The following EXOC4 variants were observed in gnomAD, a reference collection of about 807,000 sequenced individuals.
EXOC4 encodes the protein exocyst complex component 4.
A neutral mutation model predicts 107.2 loss-of-function variants in EXOC4; 71 were observed. That is an observed-to-expected ratio of 0.66 (90% CI 0.55 to 0.81). The LOEUF (loss-of-function observed/expected upper bound fraction) is 0.81, where lower values mean the gene tolerates loss of function less well. EXOC4 is among the 30% of genes least tolerant of loss of function. The pLI is 0.00. For synonymous variants in EXOC4, 456 were observed against 441.2 expected, an observed-to-expected ratio of 1.03 and a Z score of -0.42; for missense variants, 1,108 against 1,189.6, an observed-to-expected ratio of 0.93 and a Z score of 1.01.
In EXOC4 at chr7:133,813,883, G is replaced by A. The variant is rs533519237; in HGVS notation, c.1515-3442G>A. ...CATACACCCCAGGGGTTAATAGAGC[G>A]TTTAACTGGTAATATGTAAGGTTAA... On this transcript the variant is annotated intron_variant, in intron 10 of 17. Coordinates refer to ENST00000253861, the MANE Select transcript of EXOC4 (RefSeq NM_021807.4). Among the ~76,000 whole-genome samples the A allele has an allele frequency of 9.2e-5, 14 of 152,096 alleles. 1 individual carries two copies. The South Asian group carries it at 2.1e-3, about 23-fold the overall frequency.
chr7:133,300,855 A>G (rs1794625510), intron 3 of EXOC4, among the ~76,000 whole-genome samples: 1 of 151,662 alleles, frequency 6.6e-6, no homozygotes. Flanking sequence ...GTATTTTCTT[A>G]TGGTTCAAGT....
intron 9 of EXOC4, among the ~76,000 whole-genome samples, chr7:133,517,556 G>A (rs576781257): frequency 4.6e-5 from 7 of 152,204 alleles, no homozygotes; most frequent in Admixed American, 4.6e-4. Flanking sequence ...CATGGCTGAA[G>A]GTGAAAGGCA....
intron 7 of EXOC4, among the ~76,000 whole-genome samples, chr7:133,431,309 T>C (rs1797852033): frequency 6.6e-6 from 1 of 152,360 alleles, no homozygotes; most frequent in East Asian, 1.9e-4. Flanking sequence ...ACATGTTTAC[T>C]GCTGAGGCTA....
chr7:133,311,088 A>G (rs866497368), intron 4 of EXOC4, among the ~76,000 whole-genome samples: 44 of 152,344 alleles, frequency 2.9e-4, no homozygotes, highest in African/African-American at 9.9e-4. Context: ...CTTGGAGGAA[A>G]TGAAACAAAT....
chr7:133,356,187 C>G, intron 5 of EXOC4, 143 bp from the exon 6 acceptor site: 2 of 796,494 alleles, frequency 2.5e-6, no homozygotes, highest in Non-Finnish European at 3.9e-6. Flanking sequence ...TGGATGGTTA[C>G]TGTGCAAATA....
At chr7:134,079,560 A>T in the EXOC4 span, among the ~76,000 whole-genome samples, 1 of 152,120 alleles carries the variant, frequency 6.6e-6, no homozygotes, top group Non-Finnish European at 1.5e-5. Flanking sequence ...AGCCCTTGAA[A>T]GGTTTGCCAC....
chr7:133,525,899 GC>G (rs1800070161), intron 9 of EXOC4, among the ~76,000 whole-genome samples: 1 of 152,128 alleles, frequency 6.6e-6, no homozygotes. Flanking sequence ...CTAAGGTCAT[GC>G]CCTTTTTGAA....
chr7:133,259,902 A>G (rs1331348211), intron 1 of EXOC4, among the ~76,000 whole-genome samples: 1 of 152,162 alleles, frequency 6.6e-6, no homozygotes, highest in African/African-American at 2.4e-5. Context: ...AATCTTAAGT[A>G]TATGGCTTGA....
intron 3 of EXOC4, among the ~76,000 whole-genome samples, chr7:133,290,607 GGTT>G (rs1342605056): frequency 6.6e-6 from 1 of 152,148 alleles, no homozygotes; most frequent in Non-Finnish European, 1.5e-5. Context: ...GATTAAAATA[GGTT>G]GTTAGAATTT....
At chr7:133,551,134 T>TC (rs1404020292) in intron 9 of EXOC4, among the ~76,000 whole-genome samples, 1 of 152,150 alleles carries the variant, frequency 6.6e-6, no homozygotes, top group Non-Finnish European at 1.5e-5. Flanking sequence ...TTGGTTCTCC[T>TC]CCTCTAGTTG....
At chr7:133,273,945 C>T (rs78054158) in intron 1 of EXOC4, among the ~76,000 whole-genome samples, 2,013 of 152,086 alleles carry the variant, frequency 0.013, 50 homozygotes, top group African/African-American at 0.047. Flanking sequence ...TAATGAAACT[C>T]TAAATTACCA....
At chr7:133,896,380 G>A (rs1563047912) in intron 12 of EXOC4, among the ~76,000 whole-genome samples, 1 of 152,066 alleles carries the variant, frequency 6.6e-6, no homozygotes, top group Non-Finnish European at 1.5e-5. Context: ...AACAATTAGG[G>A]AAGAAAAGAA....
At chr7:134,050,396 G>A (rs1048456752) in intron 17 of EXOC4, among the ~76,000 whole-genome samples, 6 of 152,122 alleles carry the variant, frequency 3.9e-5, no homozygotes, top group Admixed American at 2.0e-4. Context: ...AAGGCTTACA[G>A]GTTAAATAAC....
intron 14 of EXOC4, among the ~76,000 whole-genome samples, chr7:133,967,760 T>A (rs1417723335): frequency 1.3e-5 from 2 of 152,146 alleles, no homozygotes; most frequent in Non-Finnish European, 2.9e-5. Flanking sequence ...ATGTGGTCAG[T>A]TTTTAGAATA....
At chr7:133,991,133 C>T (rs1366945206) in intron 14 of EXOC4, among the ~76,000 whole-genome samples, 3 of 152,114 alleles carry the variant, frequency 2.0e-5, no homozygotes, top group Non-Finnish European at 4.4e-5. Context: ...ATGATGCCCC[C>T]TTGTGGTTTT....
At chr7:133,910,913 C>A (rs1799678956) in intron 12 of EXOC4, among the ~76,000 whole-genome samples, 1 of 152,190 alleles carries the variant, frequency 6.6e-6, no homozygotes, top group Non-Finnish European at 1.5e-5. Flanking sequence ...TAATGAAAGA[C>A]TCAGCACCCC....
At chr7:133,550,309 A>G (rs1800560711) in intron 9 of EXOC4, among the ~76,000 whole-genome samples, 1 of 152,200 alleles carries the variant, frequency 6.6e-6, no homozygotes, top group Non-Finnish European at 1.5e-5. Context: ...CTCTGACTCT[A>G]GCCTAAACCT....
intron 9 of EXOC4, among the ~76,000 whole-genome samples, chr7:133,511,446 C>T (rs953530426): frequency 2.6e-5 from 4 of 152,138 alleles, no homozygotes; most frequent in South Asian, 2.1e-4. Context: ...TCAGTGTTCT[C>T]TCTGTCTCTG....
the EXOC4 span, among the ~76,000 whole-genome samples, chr7:134,090,476 C>T: frequency 1.3e-5 from 2 of 152,198 alleles, no homozygotes; most frequent in Non-Finnish European, 2.9e-5. Context: ...CAGCTTAACA[C>T]TAGCCTCTCA....
Sources: gnomAD v4.1 joint callset for allele counts (sites outside exome capture counted in the v4.1 genomes callset) on GRCh38, gnomAD v4.1.1 for gene constraint, MANE v1.5 for transcripts, NCBI Gene and HGNC (gene_info 2026-07-23, HGNC 2026-07-21) for gene names.